DCTN1: variants seen among roughly 807,000 people sequenced by gnomAD.
DCTN1 encodes the protein dynactin subunit 1.
DCTN1 carries 61 observed loss-of-function variants against 161.2 expected under a neutral mutation model. That is an observed-to-expected ratio of 0.38 (90% CI 0.31 to 0.47). The LOEUF (loss-of-function observed/expected upper bound fraction) is 0.47, where lower values mean the gene tolerates loss of function less well. DCTN1 is among the 20% of genes least tolerant of loss of function. The pLI, the probability that DCTN1 is intolerant of heterozygous loss-of-function variation, is 0.99. For missense variants in DCTN1, 1,404 were observed against 1,623.7 expected, an observed-to-expected ratio of 0.86 and a Z score of 2.33; for synonymous variants, 653 against 632.4, an observed-to-expected ratio of 1.03 and a Z score of -0.49.
intron 5 of DCTN1, among the ~76,000 whole-genome samples, chr2:74,375,780 ATG>A (rs1205060010): frequency 6.6e-6 from 1 of 152,166 alleles, no homozygotes; most frequent in East Asian, 1.9e-4. Flanking sequence ...AAGTACCAGC[ATG>A]TGGTCTCTAC....
chr2:74,372,804 G>A (rs539935080), intron 7 of DCTN1, 124 bp downstream of exon 7: 3 of 1,047,424 alleles, frequency 2.9e-6, no homozygotes, highest in African/African-American at 3.1e-5. Context: ...CCTTTCCTCT[G>A]AAGAGAACCC....
intron 4 of DCTN1, 131 bp downstream of exon 4, chr2:74,377,301 T>A: frequency 1.2e-6 from 1 of 808,232 alleles, no homozygotes; most frequent in Non-Finnish European, 2.2e-6. Context: ...GCCTCCTTCT[T>A]AGGGAAGTTG....
intron 1 of DCTN1, chr2:74,391,481 A>G: frequency 3.7e-6 from 1 of 270,276 alleles, no homozygotes; most frequent in South Asian, 3.4e-5. Flanking sequence ...CCCACAGGAA[A>G]CCTGTAGCTC....
intron 1 of DCTN1, 148 bp from the exon 2 acceptor site, chr2:74,378,393 C>A: frequency 1.1e-6 from 1 of 918,676 alleles, no homozygotes; most frequent in Non-Finnish European, 1.6e-6. Flanking sequence ...GGGTGGACCC[C>A]CAAATTCCCC....
chr2:74,389,344 T>A (rs1356869182), intron 1 of DCTN1, among the ~76,000 whole-genome samples: 1 of 152,034 alleles, frequency 6.6e-6, no homozygotes, highest in Non-Finnish European at 1.5e-5. Context: ...GAGGACCGAG[T>A]TCCTATTTTC....
At chr2:74,371,423 C>A in intron 8 of DCTN1, 114 bp downstream of exon 8, 1 of 1,292,898 alleles carries the variant, frequency 7.7e-7, no homozygotes, top group South Asian at 1.4e-5. Context: ...TGTCCTCACC[C>A]TTTCTGATCC....
In DCTN1 at chr2:74,365,576, G is replaced by A. The variant is rs771512825; in HGVS notation, c.2968C>T (p.Arg990Cys). Residue 990 changes from arginine (R) to cysteine (C), a missense_variant, in exon 25 of 32, where the codon CGC becomes TGC. Arg to Cys is a radical substitution (Grantham distance 180). Transcript: ENST00000628224. ...LDSAAKDADE[R>C]IEKVQTRLEE... ...AGCCGAGTCTGGACTTTCTCGATGCGCTCATCTGCATCCTTGGCAGCACTG... is the reference window on the plus strand; with the variant it reads ...AGCCGAGTCTGGACTTTCTCGATGCACTCATCTGCATCCTTGGCAGCACTG... 2 of 1,614,108 alleles carry A rather than the reference G, an allele frequency of 1.2e-6. No individual in the cohort carries two copies. The highest frequency in any genetic ancestry group is 1.7e-5 in the Admixed American group (1 of 60,028).
In DCTN1 at chr2:74,368,791, A is replaced by C. The variant is rs1674614216; in HGVS notation, c.1791T>G (p.Leu597=). The C allele has an allele frequency of 6.2e-7, 1 of 1,614,138 alleles. No homozygotes were observed. The highest frequency in any genetic ancestry group is 1.1e-5 in the South Asian group (1 of 91,096). ...CGCAGTCATGGTCCCCACCTGGCCGAAGGAAGCTGTCAGGCATGAAGGCTG... is the reference window on the plus strand; with the variant it reads ...CGCAGTCATGGTCCCCACCTGGCCGCAGGAAGCTGTCAGGCATGAAGGCTG... The part of the protein sequence containing the change: ...LLTAFMPDSF[L]RPGGDHDCVL... The change falls in exon 16 of 32, where the codon CTT becomes CTG. Residue 597 remains leucine, a synonymous_variant. Transcript: ENST00000628224.
chr2:74,367,425 GGA>G lies in DCTN1; in HGVS notation c.2185-7_2185-6del. 6.2e-7 allele frequency: 1 copy of G among 1,614,114 alleles called. No homozygotes were observed. Among genetic ancestry groups the G allele is most frequent in the Non-Finnish European group, 8.5e-7 (1 of 1,180,022 alleles). On this transcript the variant is annotated splice_polypyrimidine_tract_variant and splice_region_variant and intron_variant, in intron 18 of 31. Transcript: ENST00000628224. Reference sequence around the variant, plus strand: ...AAGGTGGATGCTGTACAGATGCTGAGGAGAGATAACAGACAGACAACTTTTAG... The same window carrying G: ...AAGGTGGATGCTGTACAGATGCTGAGGAGATAACAGACAGACAACTTTTAG...
At position 74,365,631 on chromosome 2, in the gene DCTN1, C is replaced by T; in HGVS notation, c.2913G>A (p.Val971=). Residue 971 remains valine (V), a synonymous_variant, in exon 25 of 32, where the codon GTG becomes GTA. Coordinates refer to ENST00000628224, the MANE Select transcript of DCTN1 (RefSeq NM_004082.5). The part of the protein sequence containing the change: ...IKGEELSEAN[V]RLSLLEKKLD... ...ACTTCTTCTCCAGGAGGCTCAGCCGCACATTGGCCTCACTTAGCTCCTCTC... is the reference window on the plus strand; with the variant it reads ...ACTTCTTCTCCAGGAGGCTCAGCCGTACATTGGCCTCACTTAGCTCCTCTC... 1 of 1,614,146 alleles carries T rather than the reference C, an allele frequency of 6.2e-7. No individual in the cohort carries two copies.
chr2:74,365,441 G>A, intron 25 of DCTN1, 74 bp downstream of exon 25: 1 of 1,608,326 alleles, frequency 6.2e-7, no homozygotes, highest in Non-Finnish European at 8.5e-7. Flanking sequence ...CTGAGTAGGG[G>A]TATGGGTTAG....
chr2:74,374,711 T>A, intron 5 of DCTN1: 1 of 1,186,948 alleles, frequency 8.4e-7, no homozygotes, highest in South Asian at 1.6e-5. Context: ...CCCACCCTCC[T>A]CTGCTCCATG....
Position 74,366,747 on chromosome 2 carries a change from TCA to T in DCTN1, c.2466+34_2466+35del, listed in dbSNP as rs1674442860. 4.3e-6 allele frequency: 7 copies of T among 1,614,132 alleles called. No homozygotes were observed. In the Admixed American group the frequency reaches 1.0e-4, roughly 23 times the overall value. ...AGTGCTATACCCTTCATGTTTCTACTCAGTTTCCTTCCCTTCCCCAGTTGCAG... is the reference window on the plus strand; with the variant it reads ...AGTGCTATACCCTTCATGTTTCTACTGTTTCCTTCCCTTCCCCAGTTGCAG... On this transcript the variant is annotated intron_variant, in intron 21 of 31. Coordinates refer to ENST00000628224, the MANE Select transcript of DCTN1 (RefSeq NM_004082.5).
intron 21 of DCTN1, 35 bp from the exon 22 acceptor site, chr2:74,366,655 G>C (rs374149639): frequency 3.7e-6 from 6 of 1,613,168 alleles, no homozygotes; most frequent in Admixed American, 3.3e-5. Context: ...GTCAACCCTG[G>C]GTTCAGCACC....
chr2:74,390,955 C>T (rs1481592818), intron 1 of DCTN1, among the ~76,000 whole-genome samples: 7 of 152,180 alleles, frequency 4.6e-5, no homozygotes, highest in Non-Finnish European at 1.0e-4. Flanking sequence ...ATACCATACC[C>T]CCAGTTGGAG....
chr2:74,361,388 G>A lies in DCTN1; in HGVS notation c.*111C>T, dbSNP rs1673974256. 1 of 1,498,232 alleles carries A rather than the reference G, an allele frequency of 6.7e-7. No individual in the cohort carries two copies. Among genetic ancestry groups the A allele is most frequent in the East Asian group, 2.3e-5 (1 of 43,486 alleles). 92.8% of individuals were successfully genotyped at this position (1,498,232 alleles called of 1,614,324 possible). A position where few individuals can be genotyped will look rare whatever the true frequency, so the allele number is the denominator to read the frequency against. On this transcript the variant is annotated 3_prime_UTR_variant, in exon 32 of 32. Transcript: ENST00000628224. ...GGTGGGAGTGAAGCTGAACGGGGCA[G>A]GAAGAGCTTAACCCACGTTTCTACC... is the stretch of plus-strand genomic sequence containing the variant.
chr2:74,366,695 T>C, intron 21 of DCTN1, 75 bp from the exon 22 acceptor site: 2 of 1,614,156 alleles, frequency 1.2e-6, no homozygotes, highest in South Asian at 2.2e-5. Flanking sequence ...AAACCATTTT[T>C]GTCCCCTAAC....
intron 1 of DCTN1, among the ~76,000 whole-genome samples, chr2:74,387,298 C>A (rs943998617): frequency 1.3e-5 from 2 of 152,152 alleles, no homozygotes; most frequent in African/African-American, 4.8e-5. Context: ...CTTCTCATCT[C>A]CTCTGTCATT....
chr2:74,368,439 C>G, intron 16 of DCTN1: 2 of 612,250 alleles, frequency 3.3e-6, no homozygotes, highest in Non-Finnish European at 5.7e-6. Context: ...GCCCATCATC[C>G]CCAAGGTTAA....
Sources: gnomAD v4.1 joint callset for allele counts (sites outside exome capture counted in the v4.1 genomes callset) on GRCh38, gnomAD v4.1.1 for gene constraint, MANE v1.5 for transcripts, NCBI Gene and HGNC (gene_info 2026-07-23, HGNC 2026-07-21) for gene names.